Variants in GABRB1 observed in about 807,000 individuals in gnomAD.
The protein encoded by GABRB1 is gamma-aminobutyric acid type A receptor subunit beta1.
In GABRB1, 17 loss-of-function variants were observed where a neutral mutation model predicts 51.6. The observed-to-expected ratio is 0.33, with a 90% CI of 0.23 to 0.49. The LOEUF is 0.49. Ranked by LOEUF, GABRB1 falls within the 20% of genes least tolerant of loss-of-function variation. GABRB1 has a pLI of 0.99. For synonymous variants in GABRB1, 247 were observed against 218.9 expected, an observed-to-expected ratio of 1.13 and a Z score of -1.14; for missense variants, 410 against 600.6, an observed-to-expected ratio of 0.68 and a Z score of 3.32.
intron 3 of GABRB1, among the ~76,000 whole-genome samples, chr4:47,063,884 G>T (rs1726944410): frequency 6.6e-6 from 1 of 152,084 alleles, no homozygotes; most frequent in African/African-American, 2.4e-5. Context: ...GGGCCTGTCA[G>T]GGGAGGGCAG....
chr4:47,399,414 T>A (rs1392460912), intron 5 of GABRB1, among the ~76,000 whole-genome samples: 1 of 152,200 alleles, frequency 6.6e-6, no homozygotes, highest in African/African-American at 2.4e-5. Context: ...AGTTCTTAAA[T>A]GTCTGTTTGT....
upstream of GABRB1, among the ~76,000 whole-genome samples, chr4:47,027,432 G>T (rs1023918200): frequency 6.6e-6 from 1 of 151,360 alleles, no homozygotes; most frequent in Non-Finnish European, 1.5e-5. Context: ...TATCCTCAAA[G>T]GTCCATGCTA....
At chr4:47,185,147 C>G (rs1719123021) in intron 4 of GABRB1, among the ~76,000 whole-genome samples, 1 of 151,802 alleles carries the variant, frequency 6.6e-6, no homozygotes. Context: ...TTTGGTTTTC[C>G]TTTGCCAAGT....
intron 4 of GABRB1, among the ~76,000 whole-genome samples, chr4:47,224,263 AG>A: frequency 6.6e-6 from 1 of 151,318 alleles, no homozygotes; most frequent in South Asian, 2.1e-4. Flanking sequence ...GACTCTCAAA[AG>A]GCTACAGGTG....
chr4:47,218,982 G>T (rs1201544046), intron 4 of GABRB1, among the ~76,000 whole-genome samples: 1 of 151,720 alleles, frequency 6.6e-6, no homozygotes, highest in Non-Finnish European at 1.5e-5. Context: ...ATTTAATGTA[G>T]AAAGTGTGGT....
intron 4 of GABRB1, among the ~76,000 whole-genome samples, chr4:47,311,426 A>C (rs1724676801): frequency 6.6e-6 from 1 of 151,746 alleles, no homozygotes; most frequent in Admixed American, 6.6e-5. Context: ...AAAAAAAAAA[A>C]AAAAAAAGAT....
rs576460533 is a variant in GABRB1, at chr4:47,116,685, T to C, written c.241-44564T>C. 2.6e-5 allele frequency among the ~76,000 whole-genome samples: 4 copies of C among 152,324 alleles called. No individual in the cohort carries two copies. In the East Asian group the frequency reaches 5.8e-4, roughly 22 times the overall value. On this transcript the variant is annotated intron_variant, in intron 3 of 8. Coordinates refer to ENST00000295454, the MANE Select transcript of GABRB1 (RefSeq NM_000812.4). ...TACTGGTCCTGTATTATTATTGTTG[T>C]AATTACAATATCTAGTACTTTTCTT...
intron 8 of GABRB1, among the ~76,000 whole-genome samples, chr4:47,418,006 T>C (rs1728983598): frequency 6.6e-6 from 1 of 152,202 alleles, no homozygotes; most frequent in Admixed American, 6.5e-5. Flanking sequence ...GTGAGTGAGA[T>C]GGAAGGGGTG....
chr4:47,077,919 A>C (rs967796120), intron 3 of GABRB1, among the ~76,000 whole-genome samples: 9 of 131,888 alleles, frequency 6.8e-5, no homozygotes, highest in Middle Eastern at 3.7e-3. Context: ...TATATTATAT[A>C]TTTTATATAT....
intron 4 of GABRB1, among the ~76,000 whole-genome samples, chr4:47,292,931 T>C (rs1418675413): frequency 6.6e-6 from 1 of 152,216 alleles, no homozygotes; most frequent in Admixed American, 6.5e-5. Flanking sequence ...CCAAGTCACC[T>C]CTTAATAGTC....
At chr4:46,994,844 T>A (rs968227342) in intron 1 of GABRB1, among the ~76,000 whole-genome samples, 1 of 152,206 alleles carries the variant, frequency 6.6e-6, no homozygotes, top group Non-Finnish European at 1.5e-5. Context: ...TTTGTTCAAA[T>A]TGAGATGACT....
chr4:47,335,995 A>G (rs1280722743), intron 5 of GABRB1, among the ~76,000 whole-genome samples: 1 of 105,302 alleles, frequency 9.5e-6, no homozygotes, highest in African/African-American at 3.6e-5. Context: ...TCTTTTTGTC[A>G]TAAGTTCTGT....
chr4:47,349,053 G>A (rs754192327), intron 5 of GABRB1, among the ~76,000 whole-genome samples: 77 of 152,234 alleles, frequency 5.1e-4, no homozygotes, highest in Non-Finnish European at 8.7e-4. Context: ...GGAGAATACC[G>A]GGAATGTTTT....
intron 4 of GABRB1, among the ~76,000 whole-genome samples, chr4:47,182,934 C>G (rs1348181426): frequency 1.3e-5 from 2 of 151,818 alleles, no homozygotes; most frequent in Non-Finnish European, 2.9e-5. Context: ...TTGAAGATTC[C>G]CATATGCCAA....
chr4:47,268,521 A>G (rs1369940515), intron 4 of GABRB1, among the ~76,000 whole-genome samples: 1 of 152,192 alleles, frequency 6.6e-6, no homozygotes, highest in African/African-American at 2.4e-5. Flanking sequence ...GATTTAAATA[A>G]TAATTCATTT....
intron 4 of GABRB1, among the ~76,000 whole-genome samples, chr4:47,267,869 A>T (rs78525181): frequency 2.6e-4 from 39 of 152,322 alleles, no homozygotes; most frequent in African/African-American, 9.4e-4. Context: ...GGAAAAAAAA[A>T]GTAAGTTGTC....
chr4:47,155,750 T>C (rs772962772), intron 3 of GABRB1, among the ~76,000 whole-genome samples: 7 of 151,712 alleles, frequency 4.6e-5, no homozygotes, highest in Non-Finnish European at 1.0e-4. Context: ...TGATTTCTTA[T>C]GGTAAAATAG....
intron 3 of GABRB1, among the ~76,000 whole-genome samples, chr4:47,140,983 T>C (rs747228669): frequency 9.9e-5 from 15 of 152,010 alleles, no homozygotes; most frequent in Admixed American, 4.6e-4. Context: ...ATATTTAAAA[T>C]ATCAAAATTT....
chr4:47,360,317 A>AT (rs1266236132), intron 5 of GABRB1, among the ~76,000 whole-genome samples: 1 of 151,724 alleles, frequency 6.6e-6, no homozygotes, highest in Non-Finnish European at 1.5e-5. Context: ...ATTTTTGCCT[A>AT]TTTTTTTAAA....
Sources: gnomAD v4.1 joint callset for allele counts (sites outside exome capture counted in the v4.1 genomes callset) on GRCh38, gnomAD v4.1.1 for gene constraint, MANE v1.5 for transcripts, NCBI Gene and HGNC (gene_info 2026-07-23, HGNC 2026-07-21) for gene names.